Variants in KIAA1958 observed in about 807,000 individuals in gnomAD.
KIAA1958 encodes the protein uncharacterized protein KIAA1958.
A neutral mutation model predicts 47.2 loss-of-function variants in KIAA1958; 14 were observed. That is an observed-to-expected ratio of 0.30 (90% confidence interval 0.20 to 0.46). The LOEUF is 0.46. Ranked by LOEUF, KIAA1958 falls within the 20% of genes least tolerant of loss-of-function variation. The pLI is 1.00. For missense variants in KIAA1958, 803 were observed against 909.2 expected, an observed-to-expected ratio of 0.88 and a Z score of 1.50; for synonymous variants, 354 against 353.3, an observed-to-expected ratio of 1.00 and a Z score of -0.02.
chr9:112,528,028 A>T (rs2132807308), intron 1 of KIAA1958, among the ~76,000 whole-genome samples: 1 of 151,988 alleles, frequency 6.6e-6, no homozygotes, highest in East Asian at 1.9e-4. Flanking sequence ...TATCTTCTAA[A>T]CAGTTGTCAG....
At position 112,666,873 on chromosome 9, in the gene KIAA1958, T is replaced by C. The variant is rs570699116; in HGVS notation, c.*6804T>C. On this transcript the variant is annotated 3_prime_UTR_variant, in exon 4 of 4. Coordinates refer to ENST00000337530, the MANE Select transcript of KIAA1958 (RefSeq NM_133465.4). Reference sequence around the variant, plus strand: ...AAGTTCATATCCACCCTCTCTTCTTTCTCCCCAACCCACTTCCTCTTCATT... The same window carrying C: ...AAGTTCATATCCACCCTCTCTTCTTCCTCCCCAACCCACTTCCTCTTCATT... 4 of 152,326 alleles carry C rather than the reference T, an allele frequency of 2.6e-5. No homozygotes were observed. The East Asian group carries it at 7.7e-4, about 29-fold the overall frequency. The allele number at this position is 152,326 out of a possible 1,614,324, so 9.4% of individuals were successfully genotyped here. A position where few individuals can be genotyped will look rare whatever the true frequency, so the allele number is the denominator to read the frequency against.
chr9:112,568,936 TAAAAAAAAAAAA>T (rs57898820), intron 1 of KIAA1958, among the ~76,000 whole-genome samples: 12 of 36,456 alleles, frequency 3.3e-4, no homozygotes, highest in South Asian at 2.2e-3. Context: ...ATAGGAAAAC[TAAAAAAAAAAAA>T]AAAAAAAAAA....
chr9:112,505,172 A>C (rs1337031346), intron 1 of KIAA1958, among the ~76,000 whole-genome samples: 1 of 152,172 alleles, frequency 6.6e-6, no homozygotes, highest in African/African-American at 2.4e-5. Context: ...TATTTCACTT[A>C]AGATAATGAC....
chr9:112,648,084 C>T (rs778807313), intron 3 of KIAA1958, among the ~76,000 whole-genome samples: 1 of 152,142 alleles, frequency 6.6e-6, no homozygotes, highest in Non-Finnish European at 1.5e-5. Flanking sequence ...GGCCAGTTTG[C>T]AGAGCCAGAT....
intron 1 of KIAA1958, among the ~76,000 whole-genome samples, chr9:112,523,004 A>G (rs1197653467): frequency 2.0e-5 from 3 of 152,204 alleles, no homozygotes; most frequent in African/African-American, 7.2e-5. Context: ...AGCTTGAATT[A>G]TCAAGATACA....
chr9:112,573,521 G>A (rs1242541075), intron 1 of KIAA1958, among the ~76,000 whole-genome samples: 1 of 152,056 alleles, frequency 6.6e-6, no homozygotes, highest in Non-Finnish European at 1.5e-5. Flanking sequence ...TTGTCTTCTG[G>A]TGCCCAGTAG....
chr9:112,645,192 CA>C (rs1322484157), intron 2 of KIAA1958, among the ~76,000 whole-genome samples: 1 of 151,140 alleles, frequency 6.6e-6, no homozygotes, highest in Non-Finnish European at 1.5e-5. Context: ...TGATGGCACA[CA>C]AGACATTTGA....
chr9:112,649,040 A>G (rs1166656039), intron 3 of KIAA1958, among the ~76,000 whole-genome samples: 2 of 152,258 alleles, frequency 1.3e-5, no homozygotes, highest in East Asian at 3.8e-4. Context: ...TTACAGATAT[A>G]AAACTACAAT....
rs573117001 is a variant in KIAA1958 at position 112,627,673 on chromosome 9, G to C, written c.1172-17977G>C. Among the ~76,000 whole-genome samples the C allele has an allele frequency of 1.9e-3, 290 of 152,336 alleles. 1 individual carries two copies. Among genetic ancestry groups the C allele is most frequent in the African/African-American group, 6.6e-3 (275 of 41,580 alleles). On this transcript the variant is annotated intron_variant, in intron 2 of 3. Transcript: ENST00000337530. ...GGAGGCTGAGGCAGGAGCATTGCTTGAGCCTGGGAGGTGGAGGTTGTAGTG... is the reference window on the plus strand; with the variant it reads ...GGAGGCTGAGGCAGGAGCATTGCTTCAGCCTGGGAGGTGGAGGTTGTAGTG...
At chr9:112,517,569 C>A (rs1228302073) in intron 1 of KIAA1958, among the ~76,000 whole-genome samples, 3 of 152,092 alleles carry the variant, frequency 2.0e-5, no homozygotes. Context: ...AGCAAAATTT[C>A]ATAACAGTAA....
At chr9:112,525,996 C>T (rs1296461316) in intron 1 of KIAA1958, among the ~76,000 whole-genome samples, 1 of 726 alleles carries the variant, frequency 1.4e-3, no homozygotes, top group Non-Finnish European at 2.4e-3. Flanking sequence ...TCTTCTTCTT[C>T]TTCTTTTTTT....
In KIAA1958 at chr9:112,660,073, C is replaced by A; in HGVS notation, c.*4C>A. The A allele has an allele frequency of 6.2e-7, 1 of 1,610,404 alleles. No homozygotes were observed. Among genetic ancestry groups the A allele is most frequent in the East Asian group, 2.2e-5 (1 of 44,874 alleles). On this transcript the variant is annotated 3_prime_UTR_variant, in exon 4 of 4. Coordinates refer to ENST00000337530, the MANE Select transcript of KIAA1958 (RefSeq NM_133465.4). ...CTCCCACAGCTGCTGCCAGTGAGCC[C>A]CCACTGGGGCCCGGCCACTGCCCTG...
chr9:112,540,217 T>C (rs563021731), intron 1 of KIAA1958, among the ~76,000 whole-genome samples: 28 of 152,062 alleles, frequency 1.8e-4, no homozygotes, highest in Non-Finnish European at 3.4e-4. Flanking sequence ...GGTGCTGATA[T>C]GGGGAAAGAG....
intron 1 of KIAA1958, among the ~76,000 whole-genome samples, chr9:112,559,182 C>A (rs1030512414): frequency 1.3e-5 from 2 of 152,140 alleles, no homozygotes; most frequent in African/African-American, 4.8e-5. Flanking sequence ...GGGTGACTTG[C>A]AGGATTTGGG....
intron 1 of KIAA1958, among the ~76,000 whole-genome samples, chr9:112,561,445 A>T (rs1366370823): frequency 6.6e-6 from 1 of 152,168 alleles, no homozygotes; most frequent in East Asian, 1.9e-4. Flanking sequence ...CATGAGTTCC[A>T]TGTGAGCACA....
intron 1 of KIAA1958, among the ~76,000 whole-genome samples, chr9:112,495,049 G>A (rs1311205623): frequency 6.6e-6 from 1 of 151,322 alleles, no homozygotes; most frequent in Non-Finnish European, 1.5e-5. Context: ...TTCCCAAGTA[G>A]CTAGGACTGT....
intron 1 of KIAA1958, among the ~76,000 whole-genome samples, chr9:112,568,147 A>G (rs1835460228): frequency 6.6e-6 from 1 of 152,156 alleles, no homozygotes; most frequent in African/African-American, 2.4e-5. Flanking sequence ...GCAAACGGAA[A>G]CACTCAGGTA....
At chr9:112,571,093 A>T (rs1229976983) in intron 1 of KIAA1958, among the ~76,000 whole-genome samples, 2 of 139,636 alleles carry the variant, frequency 1.4e-5, no homozygotes, top group Non-Finnish European at 3.2e-5. Flanking sequence ...GCCAATATTC[A>T]GGCGAGATCT....
chr9:112,643,715 C>A (rs149159487), intron 2 of KIAA1958, among the ~76,000 whole-genome samples: 1 of 151,984 alleles, frequency 6.6e-6, no homozygotes, highest in Non-Finnish European at 1.5e-5. Flanking sequence ...GCATGCAGAC[C>A]AATTGAAGAG....
Sources: gnomAD v4.1 joint callset for allele counts (sites outside exome capture counted in the v4.1 genomes callset) on GRCh38, gnomAD v4.1.1 for gene constraint, MANE v1.5 for transcripts, NCBI Gene and HGNC (gene_info 2026-07-23, HGNC 2026-07-21) for gene names.